The following CBX5 variants were observed in gnomAD, a reference collection of about 807,000 sequenced individuals.
CBX5 encodes the protein chromobox 5.
CBX5 carries 7 observed loss-of-function variants against 20.7 expected under a neutral mutation model. The ratio of observed to expected loss-of-function variants is 0.34; its 90% CI spans 0.19 to 0.63. The LOEUF is 0.63. CBX5 is among the 30% of genes least tolerant of loss of function. CBX5 has a pLI of 0.75. For missense variants in CBX5, 110 were observed against 224.1 expected (o/e 0.49, Z 3.25); for synonymous variants, 78 against 77.0 (o/e 1.01, Z -0.07).
intron 4 of CBX5, among the ~76,000 whole-genome samples, chr12:54,244,355 T>C (rs749984460): frequency 2.6e-5 from 4 of 151,914 alleles, no homozygotes; most frequent in Non-Finnish European, 4.4e-5. Flanking sequence ...TTAGTGGCAC[T>C]GCAACACAAA....
chr12:54,244,467 G>A (rs1313637962), intron 4 of CBX5, among the ~76,000 whole-genome samples: 2 of 152,000 alleles, frequency 1.3e-5, no homozygotes, highest in Non-Finnish European at 2.9e-5. Flanking sequence ...GCTGGGCGCA[G>A]TGGCTCACAC....
At chr12:54,270,969 G>A (rs1377693300) in intron 1 of CBX5, among the ~76,000 whole-genome samples, 1 of 152,218 alleles carries the variant, frequency 6.6e-6, no homozygotes, top group Non-Finnish European at 1.5e-5. Context: ...GAGGCAGGAG[G>A]ATCACTTGAG....
chr12:54,269,977 T>C (rs953729459), intron 1 of CBX5, among the ~76,000 whole-genome samples: 1 of 152,210 alleles, frequency 6.6e-6, no homozygotes, highest in African/African-American at 2.4e-5. Flanking sequence ...TTTCAAAATA[T>C]TCCCTTATTA....
chr12:54,265,866 G>T (rs1242409488), intron 1 of CBX5, among the ~76,000 whole-genome samples: 1 of 152,026 alleles, frequency 6.6e-6, no homozygotes, highest in African/African-American at 2.4e-5. Context: ...GGCCAACATG[G>T]TGAAACCCCA....
chr12:54,275,922 G>A (rs909375810), intron 1 of CBX5, among the ~76,000 whole-genome samples: 1 of 150,804 alleles, frequency 6.6e-6, no homozygotes, highest in Non-Finnish European at 1.5e-5. Flanking sequence ...CCTGGGAGGC[G>A]GAGGTTGAGG....
chr12:54,256,544 T>C (rs1312897083), intron 2 of CBX5, among the ~76,000 whole-genome samples: 2 of 152,176 alleles, frequency 1.3e-5, no homozygotes, highest in African/African-American at 2.4e-5. Flanking sequence ...GGTCCTAGAC[T>C]GCAGGAGCTG....
At chr12:54,249,867 C>T (rs932906586) in intron 3 of CBX5, among the ~76,000 whole-genome samples, 2 of 152,160 alleles carry the variant, frequency 1.3e-5, no homozygotes, top group Non-Finnish European at 2.9e-5. Context: ...TAATTTTGTA[C>T]GCCAAGTATG....
chr12:54,237,386 A>G lies in CBX5; in HGVS notation c.*4369T>C, dbSNP rs1484899561. 6.6e-6 allele frequency: 1 copy of G among 152,260 alleles called. No homozygotes were observed. Among genetic ancestry groups the G allele is most frequent in the African/African-American group, 2.4e-5 (1 of 41,460 alleles). 9.4% of individuals were successfully genotyped at this position (152,260 alleles called of 1,614,324 possible). ...AATATAAATGCAGTTGATAAACTAG[A>G]AAGCAATCATCAACTAATTGCAGAC... On this transcript the variant is annotated 3_prime_UTR_variant, in exon 5 of 5. Transcript: ENST00000209875.
At chr12:54,244,443 GA>G (rs1943712510) in intron 4 of CBX5, among the ~76,000 whole-genome samples, 1 of 151,796 alleles carries the variant, frequency 6.6e-6, no homozygotes, top group Non-Finnish European at 1.5e-5. Context: ...CTGTCTTTAA[GA>G]AATCAAATTA....
At chr12:54,261,847 A>G (rs1943917956) in intron 1 of CBX5, among the ~76,000 whole-genome samples, 1 of 152,088 alleles carries the variant, frequency 6.6e-6, no homozygotes, top group South Asian at 2.1e-4. Context: ...TGCCCTACGT[A>G]CCTCCGAGGG....
chr12:54,277,348 C>T (rs543672861), intron 1 of CBX5, among the ~76,000 whole-genome samples: 11 of 152,296 alleles, frequency 7.2e-5, no homozygotes, highest in African/African-American at 2.2e-4. Flanking sequence ...GAATTACAGG[C>T]ACCCGCCACC....
rs896929959 is a variant in CBX5 at position 54,233,315 on chromosome 12, T to A, written c.*8440A>T. The A allele has an allele frequency of 6.6e-6, 1 of 152,210 alleles. No homozygotes were observed. The highest frequency in any genetic ancestry group is 1.5e-5 in the Non-Finnish European group (1 of 68,030). 9.4% of individuals were successfully genotyped at this position (152,210 alleles called of 1,614,324 possible). A position where few individuals can be genotyped will look rare whatever the true frequency, so the allele number is the denominator to read the frequency against. ...AACAGTTATGTCTTTTCTCCCCCTT[T>A]GGATTTACTTTGGATTCTGGTAGAA... On this transcript the variant is annotated 3_prime_UTR_variant, in exon 5 of 5. Transcript: ENST00000209875.
chr12:54,269,959 G>A (rs889066241), intron 1 of CBX5, among the ~76,000 whole-genome samples: 2 of 152,086 alleles, frequency 1.3e-5, no homozygotes, highest in Admixed American at 6.5e-5. Flanking sequence ...GAATGTATTC[G>A]TATCGTTTTT....
intron 1 of CBX5, chr12:54,278,583 A>G (rs1944093597): frequency 6.6e-6 from 1 of 152,192 alleles, no homozygotes; most frequent in East Asian, 1.9e-4. Context: ...ATCCTGAATA[A>G]ATTATTGAAT....
chr12:54,246,334 A>G, intron 3 of CBX5, 119 bp from the exon 4 acceptor site: 1 of 708,154 alleles, frequency 1.4e-6, no homozygotes, highest in South Asian at 1.9e-5. Context: ...TCTTTCACCA[A>G]TTCAGAAAAA....
chr12:54,257,417 G>C, intron 2 of CBX5, 97 bp downstream of exon 2: 1 of 1,278,720 alleles, frequency 7.8e-7, no homozygotes, highest in Non-Finnish European at 1.1e-6. Flanking sequence ...GCAGGAGGGG[G>C]AAGAAAAAGA....
intron 1 of CBX5, among the ~76,000 whole-genome samples, chr12:54,266,134 T>A (rs1247582221): frequency 6.6e-6 from 1 of 151,158 alleles, no homozygotes; most frequent in Non-Finnish European, 1.5e-5. Flanking sequence ...AACGGCTGCG[T>A]GCGGTGGCTC....
intron 2 of CBX5, among the ~76,000 whole-genome samples, chr12:54,253,223 T>C (rs567679528): frequency 2.0e-5 from 3 of 152,104 alleles, no homozygotes; most frequent in East Asian, 3.9e-4. Flanking sequence ...GAGACCAGCC[T>C]GGTCAATATT....
In CBX5 at chr12:54,231,706, G is replaced by A. The variant is rs1259945650; in HGVS notation, c.*10049C>T. On this transcript the variant is annotated 3_prime_UTR_variant, in exon 5 of 5. Coordinates refer to ENST00000209875, the MANE Select transcript of CBX5 (RefSeq NM_012117.3). ...CAAACCAGAGGGAAAAAAGGTCAAGGTTAGGTTCAGACTGCAGACACTAAG... is the reference window on the plus strand; with the variant it reads ...CAAACCAGAGGGAAAAAAGGTCAAGATTAGGTTCAGACTGCAGACACTAAG... The A allele has an allele frequency of 1.3e-5, 2 of 152,274 alleles. No individual in the cohort carries two copies. Among genetic ancestry groups the A allele is most frequent in the African/African-American group, 4.8e-5 (2 of 41,458 alleles). The allele number at this position is 152,274 out of a possible 1,614,324, so 9.4% of individuals were successfully genotyped here.
Sources: allele counts gnomAD v4.1 joint callset (sites outside exome capture counted in the v4.1 genomes callset), GRCh38; gene constraint gnomAD v4.1.1; transcripts MANE v1.5; gene names NCBI Gene and HGNC (gene_info 2026-07-23, HGNC 2026-07-21).